DCDC2: variants seen among roughly 807,000 people sequenced by gnomAD.
DCDC2 encodes doublecortin domain containing 2.
Under a neutral mutation model 50.2 loss-of-function variants are expected in DCDC2, and 40 were observed. The ratio of observed to expected loss-of-function variants is 0.80; its 90% CI spans 0.62 to 1.04. The LOEUF is 1.04. DCDC2 is among the 50% of genes least tolerant of loss of function. The pLI is 0.00. For missense variants in DCDC2, 570 were observed against 581.9 expected (o/e 0.98, Z 0.21); for synonymous variants, 234 against 210.6 (o/e 1.11, Z -0.96).
chr6:24,224,322 AG>A (rs1481742128), intron 7 of DCDC2, among the ~76,000 whole-genome samples: 1 of 152,234 alleles, frequency 6.6e-6, no homozygotes, highest in Non-Finnish European at 1.5e-5. Flanking sequence ...ACAAAGAACC[AG>A]AGCCCTGCGC....
rs1014073635 is a variant in DCDC2 at position 24,204,633 on chromosome 6, T to A, written c.1023+369A>T. Among the ~76,000 whole-genome samples, 6 of 152,280 alleles carry A rather than the reference T, an allele frequency of 3.9e-5. 1 individual carries two copies. The highest frequency in any genetic ancestry group is 3.9e-4 in the Admixed American group (6 of 15,280). ...TGCCAGAACTTAAAGTATAATTTTTTAAAAATGCTTTTCTAAGTGGGTAAG... is the reference window on the plus strand; with the variant it reads ...TGCCAGAACTTAAAGTATAATTTTTAAAAAATGCTTTTCTAAGTGGGTAAG... On this transcript the variant is annotated intron_variant, in intron 8 of 9. Coordinates refer to ENST00000378454, the MANE Select transcript of DCDC2 (RefSeq NM_016356.5).
At chr6:24,188,724 G>C (rs1399904731) in intron 8 of DCDC2, among the ~76,000 whole-genome samples, 1 of 151,996 alleles carries the variant, frequency 6.6e-6, no homozygotes, top group African/African-American at 2.4e-5. Flanking sequence ...AGTAATTGTG[G>C]AATGCTATAC....
intron 7 of DCDC2, among the ~76,000 whole-genome samples, chr6:24,262,618 AGAG>A (rs756630791): frequency 6.6e-6 from 1 of 152,012 alleles, no homozygotes; most frequent in Non-Finnish European, 1.5e-5. Context: ...CTGCTACAGG[AGAG>A]GAGGAGGAGG....
intron 2 of DCDC2, among the ~76,000 whole-genome samples, chr6:24,347,812 T>C (rs1038128990): frequency 6.6e-6 from 1 of 152,182 alleles, no homozygotes; most frequent in Non-Finnish European, 1.5e-5. Context: ...ATTTTACCCC[T>C]GAAACAAAAT....
At chr6:24,225,495 A>G (rs1436142216) in intron 7 of DCDC2, among the ~76,000 whole-genome samples, 1 of 152,168 alleles carries the variant, frequency 6.6e-6, no homozygotes, top group Non-Finnish European at 1.5e-5. Flanking sequence ...TCACAAAAGA[A>G]CACTAAAAAC....
At chr6:24,357,302 C>G (rs971848867) in intron 1 of DCDC2, 156 bp downstream of exon 1, 3 of 842,568 alleles carry the variant, frequency 3.6e-6, no homozygotes, top group South Asian at 2.1e-5. Flanking sequence ...CCTCTACCCC[C>G]CAACTGCAAC....
chr6:24,349,650 G>A (rs1242455373), intron 2 of DCDC2, among the ~76,000 whole-genome samples: 1 of 152,172 alleles, frequency 6.6e-6, no homozygotes, highest in Non-Finnish European at 1.5e-5. Context: ...GGGACACGAG[G>A]AAGCAAAGAG....
chr6:24,300,191 A>G (rs1377664691), intron 4 of DCDC2, among the ~76,000 whole-genome samples: 1 of 151,996 alleles, frequency 6.6e-6, no homozygotes, highest in Non-Finnish European at 1.5e-5. Flanking sequence ...GGAGTTCAAG[A>G]CCAGCTTGGG....
intron 7 of DCDC2, among the ~76,000 whole-genome samples, chr6:24,265,642 T>C (rs1443769481): frequency 1.3e-5 from 2 of 152,054 alleles, no homozygotes; most frequent in East Asian, 1.9e-4. Context: ...GGAAACTAAA[T>C]AATATGCTCC....
intron 7 of DCDC2, among the ~76,000 whole-genome samples, chr6:24,244,797 T>A (rs563365448): frequency 9.8e-5 from 15 of 152,352 alleles, no homozygotes; most frequent in African/African-American, 3.6e-4. Context: ...AATTTCTCAA[T>A]GCAAATCTTA....
chr6:24,293,612 T>C (rs2113832683), intron 4 of DCDC2, among the ~76,000 whole-genome samples: 1 of 152,302 alleles, frequency 6.6e-6, no homozygotes, highest in Non-Finnish European at 1.5e-5. Context: ...ACTGACAGTA[T>C]TAGATAGATC....
At chr6:24,259,623 T>C (rs1762967883) in intron 7 of DCDC2, among the ~76,000 whole-genome samples, 1 of 152,246 alleles carries the variant, frequency 6.6e-6, no homozygotes, top group South Asian at 2.1e-4. Context: ...TTAATTAACA[T>C]TTAACTACTC....
chr6:24,375,421 C>G, the DCDC2 span, among the ~76,000 whole-genome samples: 11,800 of 47,114 alleles, frequency 0.25, 565 homozygotes, highest in Admixed American at 0.35. Flanking sequence ...GTGTAAACTC[C>G]CCCCCCCAAC....
At chr6:24,213,195 G>A (rs940127945) in intron 7 of DCDC2, among the ~76,000 whole-genome samples, 3 of 152,072 alleles carry the variant, frequency 2.0e-5, no homozygotes, top group Non-Finnish European at 4.4e-5. Flanking sequence ...GAAACTGATT[G>A]AGATTTATGA....
chr6:24,302,713 C>T (rs1226369871), intron 2 of DCDC2, among the ~76,000 whole-genome samples: 1 of 152,082 alleles, frequency 6.6e-6, no homozygotes, highest in African/African-American at 2.4e-5. Context: ...GAGCAGCCCT[C>T]ACCTGAGACC....
Position 24,300,233 on chromosome 6 carries a change from GA to G in DCDC2, c.557+1481del, listed in dbSNP as rs1290233581. Among the ~76,000 whole-genome samples, 7 of 145,148 alleles carry G rather than the reference GA, an allele frequency of 4.8e-5. No individual in the cohort carries two copies. The South Asian group carries it at 6.6e-4, about 14-fold the overall frequency. On this transcript the variant is annotated intron_variant, in intron 4 of 9. Transcript: ENST00000378454. ...GACAAAATCTAATCTCTACAAAAAA[GA>G]AAAAAAAAACAAAAGCTAGACGTTG...
the DCDC2 span, among the ~76,000 whole-genome samples, chr6:24,371,875 C>T: frequency 6.6e-6 from 1 of 152,272 alleles, no homozygotes; most frequent in South Asian, 2.1e-4. Flanking sequence ...TGAAAAAATG[C>T]TCATCATCAC....
chr6:24,188,721 G>A (rs1010013352), intron 8 of DCDC2, among the ~76,000 whole-genome samples: 3 of 152,050 alleles, frequency 2.0e-5, no homozygotes, highest in African/African-American at 7.2e-5. Flanking sequence ...ATGAGTAATT[G>A]TGGAATGCTA....
intron 8 of DCDC2, among the ~76,000 whole-genome samples, chr6:24,202,376 A>C (rs1174378472): frequency 6.6e-6 from 1 of 152,228 alleles, no homozygotes; most frequent in African/African-American, 2.4e-5. Context: ...AACCAATGAC[A>C]AAAACCACAT....
Sources: gnomAD v4.1 joint callset for allele counts (sites outside exome capture counted in the v4.1 genomes callset) on GRCh38, gnomAD v4.1.1 for gene constraint, MANE v1.5 for transcripts, NCBI Gene and HGNC (gene_info 2026-07-23, HGNC 2026-07-21) for gene names.